Variants in DOCK4 observed in about 807,000 individuals in gnomAD.
The protein encoded by DOCK4 is dedicator of cytokinesis 4.
Under a neutral mutation model 268.1 loss-of-function variants are expected in DOCK4, and 97 were observed. That is an observed-to-expected ratio of 0.36 (90% confidence interval 0.31 to 0.43). DOCK4 has a LOEUF of 0.43. Among genes scored for constraint, DOCK4 ranks in the 20% least tolerant of loss-of-function variants. The pLI is 1.00. For synonymous variants in DOCK4, 954 were observed against 887.2 expected (o/e 1.08, Z -1.34); for missense variants, 2,145 against 2,455.7 (o/e 0.87, Z 2.67).
intron 27 of DOCK4, among the ~76,000 whole-genome samples, chr7:111,813,816 G>T (rs1801333861): frequency 6.6e-6 from 1 of 152,160 alleles, no homozygotes; most frequent in Admixed American, 6.5e-5. Context: ...TTTTACTCAA[G>T]TTTTACTATA....
rs1207248738 is a variant in DOCK4, at chr7:111,835,248, C to T, written c.2737-562G>A. On this transcript the variant is annotated intron_variant, in intron 25 of 52. Transcript: ENST00000428084. ...CATTTTTGAATTCAAATGACCTCCT[C>T]CAACTCATCAGAGAGTTGATCTGCT... 2.6e-5 allele frequency among the ~76,000 whole-genome samples: 4 copies of T among 152,126 alleles called. No homozygotes were observed. In the South Asian group the frequency reaches 6.2e-4, roughly 24 times the overall value.
chr7:111,848,372 C>A (rs1443315696), intron 23 of DOCK4, among the ~76,000 whole-genome samples: 1 of 152,164 alleles, frequency 6.6e-6, no homozygotes, highest in Non-Finnish European at 1.5e-5. Context: ...CAGAAGGACC[C>A]CACGCTTGGT....
At chr7:112,040,982 AT>A (rs938606404) in intron 1 of DOCK4, among the ~76,000 whole-genome samples, 7 of 150,330 alleles carry the variant, frequency 4.7e-5, no homozygotes, top group South Asian at 2.1e-4. Flanking sequence ...TTTAGAGGTA[AT>A]TTTTTTTTTA....
intron 15 of DOCK4, among the ~76,000 whole-genome samples, chr7:111,898,924 C>T (rs1353471624): frequency 6.6e-6 from 1 of 152,178 alleles, no homozygotes; most frequent in African/African-American, 2.4e-5. Flanking sequence ...TGCTCTTTCT[C>T]TCTTTCCCCA....
intron 13 of DOCK4, among the ~76,000 whole-genome samples, chr7:111,913,503 G>A (rs1358989747): frequency 2.6e-4 from 39 of 149,424 alleles, no homozygotes; most frequent in African/African-American, 8.9e-4. Context: ...TCCACCTCCC[G>A]GGTTCACGCC....
chr7:111,946,049 T>G (rs1361859029), intron 8 of DOCK4, among the ~76,000 whole-genome samples: 1 of 152,236 alleles, frequency 6.6e-6, no homozygotes. Flanking sequence ...TTTGAAAGAC[T>G]TGAATACAAT....
chr7:112,014,128 G>A (rs1170557362), intron 1 of DOCK4, among the ~76,000 whole-genome samples: 2 of 152,190 alleles, frequency 1.3e-5, no homozygotes, highest in Non-Finnish European at 2.9e-5. Context: ...ATAACACTTT[G>A]CACTGGTGTT....
At chr7:112,048,628 G>A (rs969665094) in intron 1 of DOCK4, among the ~76,000 whole-genome samples, 5 of 150,280 alleles carry the variant, frequency 3.3e-5, no homozygotes, top group African/African-American at 1.2e-4. Context: ...TACAGAGGAA[G>A]AAAGGTAAGA....
chr7:112,182,292 A>T (rs1819121668), intron 1 of DOCK4, among the ~76,000 whole-genome samples: 1 of 152,240 alleles, frequency 6.6e-6, no homozygotes, highest in African/African-American at 2.4e-5. Flanking sequence ...CAATTTTGAA[A>T]TACATTAATT....
chr7:112,113,815 A>C (rs866911293), intron 1 of DOCK4, among the ~76,000 whole-genome samples: 54 of 119,868 alleles, frequency 4.5e-4, no homozygotes, highest in African/African-American at 1.6e-3. Flanking sequence ...GGCTGTTCTC[A>C]AACTTCTGGC....
intron 8 of DOCK4, among the ~76,000 whole-genome samples, chr7:111,951,104 A>C (rs1796013877): frequency 6.6e-6 from 1 of 152,192 alleles, no homozygotes; most frequent in Non-Finnish European, 1.5e-5. Context: ...ATCAAAAATG[A>C]CTATTTCTTT....
chr7:111,907,567 C>T (rs1248260417), intron 13 of DOCK4, among the ~76,000 whole-genome samples: 6 of 152,212 alleles, frequency 3.9e-5, no homozygotes, highest in East Asian at 1.9e-4. Flanking sequence ...ATTAGAATCT[C>T]GGCTTCACTC....
At chr7:112,021,023 T>A (rs1802272306) in intron 1 of DOCK4, among the ~76,000 whole-genome samples, 1 of 152,172 alleles carries the variant, frequency 6.6e-6, no homozygotes, top group South Asian at 2.1e-4. Context: ...GGAGGCCAAG[T>A]GAGGATGGGA....
intron 15 of DOCK4, among the ~76,000 whole-genome samples, chr7:111,900,074 G>C (rs1263452931): frequency 6.6e-6 from 1 of 152,188 alleles, no homozygotes; most frequent in Non-Finnish European, 1.5e-5. Flanking sequence ...CATCTGAACT[G>C]GCCAAAGGCT....
intron 35 of DOCK4, 51 bp from the exon 36 acceptor site, chr7:111,778,420 A>AATTATCTGC: frequency 8.3e-7 from 1 of 1,206,360 alleles, no homozygotes; most frequent in Non-Finnish European, 1.2e-6. Flanking sequence ...TCTGGCCTAC[A>AATTATCTGC]ATTATCTGCC....
At chr7:111,812,584 T>G (rs1801221551) in intron 27 of DOCK4, among the ~76,000 whole-genome samples, 1 of 152,122 alleles carries the variant, frequency 6.6e-6, no homozygotes, top group Non-Finnish European at 1.5e-5. Context: ...TTGATTATCA[T>G]AAAAGAAAGC....
At position 112,206,373 on chromosome 7, in the gene DOCK4, C is replaced by T; in HGVS notation, c.-235G>A. The T allele has an allele frequency of 3.4e-6, 2 of 584,350 alleles. No homozygotes were observed. Among genetic ancestry groups the T allele is most frequent in the Non-Finnish European group, 6.0e-6 (2 of 331,982 alleles). 36.2% of individuals were successfully genotyped at this position (584,350 alleles called of 1,614,324 possible). ...AGTCCTCCGACGCGCTCCCGGGTAC[C>T]CGGCGGCGCAGTCATTGTTCTGATT... On this transcript the variant is annotated 5_prime_UTR_variant, in exon 1 of 53. Transcript: ENST00000428084.
intron 32 of DOCK4, among the ~76,000 whole-genome samples, chr7:111,786,200 G>A (rs1025185567): frequency 2.0e-5 from 3 of 152,176 alleles, no homozygotes; most frequent in Admixed American, 2.0e-4. Context: ...CATAGGAGAA[G>A]GCAGAGCGAA....
chr7:112,054,576 A>AAC (rs1805653665), intron 1 of DOCK4, among the ~76,000 whole-genome samples: 1 of 152,124 alleles, frequency 6.6e-6, no homozygotes, highest in African/African-American at 2.4e-5. Context: ...GACAAAAAAA[A>AAC]ACAAAACTAC....
Sources: allele counts gnomAD v4.1 joint callset (sites outside exome capture counted in the v4.1 genomes callset), GRCh38; gene constraint gnomAD v4.1.1; transcripts MANE v1.5; gene names NCBI Gene and HGNC (gene_info 2026-07-23, HGNC 2026-07-21).